The following RB1 variants were observed in gnomAD, a reference collection of about 807,000 sequenced individuals.
RB1 encodes the protein retinoblastoma-associated protein.
A neutral mutation model predicts 135.4 loss-of-function variants in RB1; 18 were observed. The ratio of observed to expected loss-of-function variants is 0.13; its 90% CI spans 0.09 to 0.20. The LOEUF (loss-of-function observed/expected upper bound fraction) is 0.20. RB1 is among the 10% of genes least tolerant of loss of function. The probability of loss-of-function intolerance (pLI) is 1.00; values close to 1 mark genes in which losing one functional copy is unlikely to be tolerated. For synonymous variants in RB1, 365 were observed against 373.2 expected, an observed-to-expected ratio of 0.98 and a Z score of 0.25; for missense variants, 868 against 1,110.0, an observed-to-expected ratio of 0.78 and a Z score of 3.10.
intron 13 of RB1, 117 bp downstream of exon 13, chr13:48,377,151 G>T: frequency 9.2e-7 from 1 of 1,092,014 alleles, no homozygotes; most frequent in East Asian, 2.5e-5. Context: ...AATACTGTCA[G>T]ATACTATATC....
chr13:48,409,166 TGAGATAGGATCTTGCTCTG>T (rs1948766984), intron 17 of RB1, among the ~76,000 whole-genome samples: 1 of 150,466 alleles, frequency 6.6e-6, no homozygotes. Context: ...TTTTTTTTTT[TGAGATAGGATCTTGCTCTG>T]TTGTCCATGC....
At chr13:48,346,354 G>C (rs1952496885) in intron 4 of RB1, among the ~76,000 whole-genome samples, 1 of 144,422 alleles carries the variant, frequency 6.9e-6, no homozygotes, top group Non-Finnish European at 1.5e-5. Flanking sequence ...TTCACATTGA[G>C]TAGAATATTA....
rs577749913 is a variant in RB1, at chr13:48,481,842, A to G, written c.*1771A>G. The G allele has an allele frequency of 2.0e-4, 45 of 220,692 alleles. 1 individual carries two copies. The South Asian group carries it at 7.4e-3, about 36-fold the overall frequency. The allele number at this position is 220,692 out of a possible 1,614,324, so 13.7% of individuals were successfully genotyped here. Reference sequence around the variant, plus strand: ...AAATTGCTATGTTACTATTTTCTACAATTAATAGTTTGTCTATTTTAAAAT... The same window carrying G: ...AAATTGCTATGTTACTATTTTCTACGATTAATAGTTTGTCTATTTTAAAAT... On this transcript the variant is annotated 3_prime_UTR_variant, in exon 27 of 27. Transcript: ENST00000267163.
In RB1 at chr13:48,342,629, T is replaced by C. The variant is rs779647793; in HGVS notation, c.295T>C (p.Trp99Arg). 6.2e-7 allele frequency: 1 copy of C among 1,611,780 alleles called. No individual in the cohort carries two copies. The highest frequency in any genetic ancestry group is 8.5e-7 in the Non-Finnish European group (1 of 1,178,142). The stretch of plus-strand genomic sequence containing the variant: ...TTATATTCAAAAGAAAAAGGAACTG[T>C]GGGGAATCTGTATCTTTATTGCAGC... ...GGYIQKKKELWGICIFIAAVD... is the reference protein window; with the variant it reads ...GGYIQKKKELRGICIFIAAVD... The change falls in exon 3 of 27, where the codon TGG becomes CGG. Residue 99 changes from tryptophan to arginine, a missense_variant. Trp to Arg is a moderately radical substitution (Grantham distance 101). Coordinates refer to ENST00000267163, the MANE Select transcript of RB1 (RefSeq NM_000321.3).
At chr13:48,371,924 T>G (rs946382089) in intron 11 of RB1, among the ~76,000 whole-genome samples, 2 of 152,186 alleles carry the variant, frequency 1.3e-5, no homozygotes, top group African/African-American at 4.8e-5. Flanking sequence ...GCAGTGGAAT[T>G]AGATTCTCAT....
chr13:48,480,369 G>A lies in RB1; in HGVS notation c.*298G>A. ...CTGTGCTTTATGGATAGTAAGAATG[G>A]CCCTAGAGTGGGAGTCCTGATAACC... On this transcript the variant is annotated 3_prime_UTR_variant, in exon 27 of 27. Transcript: ENST00000267163. 2.2e-6 allele frequency: 1 copy of A among 446,522 alleles called. No homozygotes were observed. The highest frequency in any genetic ancestry group is 4.1e-6 in the Non-Finnish European group (1 of 243,302). The allele number at this position is 446,522 out of a possible 1,614,324, so 27.7% of individuals were successfully genotyped here.
Position 48,456,147 on chromosome 13 carries a change from A to G in RB1, c.1815-57A>G, listed in dbSNP as rs139200675. The G allele has an allele frequency of 3.7e-4, 599 of 1,607,740 alleles. 2 individuals are homozygous for G. The African/African-American group carries it at 7.2e-3, about 19-fold the overall frequency. On this transcript the variant is annotated intron_variant, in intron 18 of 26. Coordinates refer to ENST00000267163, the MANE Select transcript of RB1 (RefSeq NM_000321.3). ...GGGTGTACAACCTTGAAGTGTATGT[A>G]TAATCTGTGATTCTTAGCCAACTTG... is the stretch of plus-strand genomic sequence containing the variant.
intron 6 of RB1, among the ~76,000 whole-genome samples, chr13:48,357,554 AC>A (rs1349366658): frequency 6.6e-6 from 1 of 152,080 alleles, no homozygotes; most frequent in African/African-American, 2.4e-5. Flanking sequence ...CCTCCTGCTA[AC>A]CCAGATCAAT....
In RB1 at chr13:48,476,370, G is replaced by T. The variant is rs528357181; in HGVS notation, c.2521-331G>T. 6 of 267,826 alleles carry T rather than the reference G, an allele frequency of 2.2e-5. No homozygotes were observed. In the Admixed American group the frequency reaches 3.0e-4, roughly 13 times the overall value. 16.6% of individuals were successfully genotyped at this position (267,826 alleles called of 1,614,324 possible). A position where few individuals can be genotyped will look rare whatever the true frequency, so the allele number is the denominator to read the frequency against. On this transcript the variant is annotated intron_variant, in intron 24 of 26. Transcript: ENST00000267163. ...AGTTTCCAGAAAGCTGTTCTGACTTGCCTACTTCTGAAAAGTAGTCCTGTA... is the reference window on the plus strand; with the variant it reads ...AGTTTCCAGAAAGCTGTTCTGACTTTCCTACTTCTGAAAAGTAGTCCTGTA...
At chr13:48,329,846 C>G (rs1484352590) in intron 2 of RB1, among the ~76,000 whole-genome samples, 1 of 152,118 alleles carries the variant, frequency 6.6e-6, no homozygotes, top group Non-Finnish European at 1.5e-5. Flanking sequence ...TTCAGAAACA[C>G]CAATTTTGAC....
chr13:48,311,843 T>C (rs1464449232), intron 2 of RB1, among the ~76,000 whole-genome samples: 1 of 152,148 alleles, frequency 6.6e-6, no homozygotes, highest in Non-Finnish European at 1.5e-5. Context: ...GTAGCTGGGA[T>C]TATAGGCATG....
Position 48,303,755 on chromosome 13 carries a change from G to A in RB1, c.-158G>A, listed in dbSNP as rs960064111. ...CCGCGGTTGGACGCGGCGCTCAGTT[G>A]CCGGGCGGGGGAGGGCGCGTCCGGT... On this transcript the variant is annotated 5_prime_UTR_variant, in exon 1 of 27. Transcript: ENST00000267163. 6 of 1,184,798 alleles carry A rather than the reference G, an allele frequency of 5.1e-6. No homozygotes were observed. The highest frequency in any genetic ancestry group is 5.7e-6 in the Non-Finnish European group (5 of 884,410). The allele number at this position is 1,184,798 out of a possible 1,614,324, so 73.4% of individuals were successfully genotyped here. A position where few individuals can be genotyped will look rare whatever the true frequency, so the allele number is the denominator to read the frequency against.
chr13:48,399,666 A>G (rs189869642), intron 17 of RB1, among the ~76,000 whole-genome samples: 2 of 152,198 alleles, frequency 1.3e-5, no homozygotes, highest in African/African-American at 4.8e-5. Flanking sequence ...AGAAACTGAG[A>G]TAACTTATAA....
chr13:48,431,549 A>C (rs1052251483), intron 17 of RB1, among the ~76,000 whole-genome samples: 1 of 152,112 alleles, frequency 6.6e-6, no homozygotes, highest in Non-Finnish European at 1.5e-5. Context: ...CCAGAGCAAA[A>C]TTTCTGTGGT....
At chr13:48,410,755 T>C (rs1025255848) in intron 17 of RB1, among the ~76,000 whole-genome samples, 2 of 152,176 alleles carry the variant, frequency 1.3e-5, no homozygotes, top group African/African-American at 2.4e-5. Context: ...GCATACCATA[T>C]AGATAGCATC....
chr13:48,358,705 T>C (rs1952613198), intron 6 of RB1, among the ~76,000 whole-genome samples: 2 of 152,116 alleles, frequency 1.3e-5, no homozygotes, highest in African/African-American at 4.8e-5. Context: ...ACTCTTCTCT[T>C]ATCAGCAGTT....
At chr13:48,414,169 G>A (rs548007112) in intron 17 of RB1, among the ~76,000 whole-genome samples, 5 of 151,914 alleles carry the variant, frequency 3.3e-5, no homozygotes, top group Admixed American at 6.6e-5. Flanking sequence ...CCAAAATGGC[G>A]AAACCCCATC....
intron 13 of RB1, among the ~76,000 whole-genome samples, chr13:48,378,088 A>G (rs1952845412): frequency 1.3e-5 from 2 of 152,220 alleles, no homozygotes; most frequent in Admixed American, 1.3e-4. Context: ...GTGAAGGCCT[A>G]CAATATTACC....
Position 48,372,684 on chromosome 13 carries a change from G to A in RB1, c.1128-721G>A, listed in dbSNP as rs531970070. Reference sequence around the variant, plus strand: ...AAAAGAAAAAGAAAAGAAAGATGAGGAAGTGTAAATACTGGTTTAGACATG... The same window carrying A: ...AAAAGAAAAAGAAAAGAAAGATGAGAAAGTGTAAATACTGGTTTAGACATG... On this transcript the variant is annotated intron_variant, in intron 11 of 26. Coordinates refer to ENST00000267163, the MANE Select transcript of RB1 (RefSeq NM_000321.3). Among the ~76,000 whole-genome samples the A allele has an allele frequency of 2.2e-4, 33 of 151,936 alleles. No homozygotes were observed. The East Asian group carries it at 6.2e-3, about 28-fold the overall frequency.
Sources: gnomAD v4.1 joint callset for allele counts (sites outside exome capture counted in the v4.1 genomes callset) on GRCh38, gnomAD v4.1.1 for gene constraint, MANE v1.5 for transcripts, NCBI Gene and HGNC (gene_info 2026-07-23, HGNC 2026-07-21) for gene names.